BMP6: variants seen among roughly 807,000 people sequenced by gnomAD.
BMP6 encodes the protein bone morphogenetic protein 6, also known as VG-1-R.
Under a neutral mutation model 54.1 loss-of-function variants are expected in BMP6, and 17 were observed. That is an observed-to-expected ratio of 0.31 (90% confidence interval 0.22 to 0.47). BMP6 has a LOEUF of 0.47. Among genes scored for constraint, BMP6 ranks in the 20% least tolerant of loss-of-function variants. The pLI is 1.00. For synonymous variants in BMP6, 328 were observed against 291.2 expected, an observed-to-expected ratio of 1.13 and a Z score of -1.28; for missense variants, 720 against 690.4, an observed-to-expected ratio of 1.04 and a Z score of -0.48.
Position 7,864,652 on chromosome 6 carries a change from A to G in BMP6, c.1204+2154A>G, listed in dbSNP as rs137989681. 2.5e-3 allele frequency among the ~76,000 whole-genome samples: 374 copies of G among 152,086 alleles called. 2 individuals are homozygous for G. Among genetic ancestry groups the G allele is most frequent in the African/African-American group, 8.8e-3 (363 of 41,462 alleles). On this transcript the variant is annotated intron_variant, in intron 4 of 6. Transcript: ENST00000283147. The stretch of plus-strand genomic sequence containing the variant: ...GTGTTCCGACTTAAATCAACCATCT[A>G]TTTTACCAGTAACTTGGATGTGGAG...
At chr6:7,873,963 G>A (rs959718762) in intron 4 of BMP6, among the ~76,000 whole-genome samples, 6 of 152,040 alleles carry the variant, frequency 3.9e-5, no homozygotes, top group African/African-American at 1.4e-4. Context: ...AGCAGAATGA[G>A]GTTGGATGGG....
chr6:7,848,802 A>G (rs1759103588), intron 2 of BMP6, among the ~76,000 whole-genome samples: 1 of 152,236 alleles, frequency 6.6e-6, no homozygotes, highest in Non-Finnish European at 1.5e-5. Context: ...CATGGTGTTT[A>G]AAAGATGACT....
Position 7,727,348 on chromosome 6 carries a change from C to G in BMP6, c.393C>G (p.Ser131=), listed in dbSNP as rs767201995. 5.6e-6 allele frequency: 9 copies of G among 1,609,864 alleles called. No individual in the cohort carries two copies. The East Asian group carries it at 1.8e-4, about 32-fold the overall frequency. ...RGEPPPGRLK[S]APLFMLDLYN... is the part of the protein sequence containing the mutation. The stretch of plus-strand genomic sequence containing the variant: ...AGCCCCCTCCCGGGCGACTGAAGTC[C>G]GCGCCCCTCTTCATGCTGGATCTGT... The change falls in exon 1 of 7, where the codon TCC becomes TCG. Residue 131 remains serine (S), a synonymous_variant. Coordinates refer to ENST00000283147, the MANE Select transcript of BMP6 (RefSeq NM_001718.6).
At chr6:7,786,888 C>G (rs1307538325) in intron 1 of BMP6, among the ~76,000 whole-genome samples, 1 of 152,124 alleles carries the variant, frequency 6.6e-6, no homozygotes, top group East Asian at 1.9e-4. Flanking sequence ...CCCCAGCAGC[C>G]AGCTGTCAAT....
chr6:7,729,524 C>A (rs949420988), intron 1 of BMP6, among the ~76,000 whole-genome samples: 2 of 152,130 alleles, frequency 1.3e-5, no homozygotes, highest in Admixed American at 1.3e-4. Context: ...TAGTATCACC[C>A]GGGGGACTTA....
chr6:7,732,926 T>G (rs1231017017), intron 1 of BMP6, among the ~76,000 whole-genome samples: 3 of 151,976 alleles, frequency 2.0e-5, no homozygotes, highest in Admixed American at 6.5e-5. Flanking sequence ...AGACAGTATC[T>G]TTTTCTGTCA....
intron 1 of BMP6, among the ~76,000 whole-genome samples, chr6:7,779,099 A>T (rs1487201380): frequency 2.6e-5 from 4 of 152,180 alleles, no homozygotes; most frequent in Non-Finnish European, 5.9e-5. Context: ...TTGGCTCTGG[A>T]TCCTGAGGGT....
At chr6:7,858,007 A>T (rs1401394380) in intron 2 of BMP6, among the ~76,000 whole-genome samples, 2 of 152,092 alleles carry the variant, frequency 1.3e-5, no homozygotes, top group Admixed American at 6.6e-5. Flanking sequence ...TCTACAGCTG[A>T]CACCAGCCAC....
chr6:7,769,911 C>T (rs978323554), intron 1 of BMP6, among the ~76,000 whole-genome samples: 11 of 152,210 alleles, frequency 7.2e-5, no homozygotes, highest in Admixed American at 1.3e-4. Context: ...CTTGTGTAAA[C>T]AGATTTTCTA....
intron 1 of BMP6, among the ~76,000 whole-genome samples, chr6:7,831,500 G>A (rs151296539): frequency 4.7e-4 from 71 of 152,290 alleles, no homozygotes; most frequent in African/African-American, 1.6e-3. Flanking sequence ...GAAGGAATGT[G>A]TTAGGGGTCT....
intron 1 of BMP6, among the ~76,000 whole-genome samples, chr6:7,834,016 A>T (rs1044703160): frequency 2.6e-5 from 4 of 152,124 alleles, no homozygotes; most frequent in African/African-American, 9.7e-5. Context: ...CAAACATAAA[A>T]GTTGGGTTTC....
chr6:7,727,418 G>T lies in BMP6; in HGVS notation c.463G>T (p.Gly155Trp), dbSNP rs781421324. 14 of 1,607,126 alleles carry T rather than the reference G, an allele frequency of 8.7e-6. No individual in the cohort carries two copies. The highest frequency in any genetic ancestry group is 2.2e-5 in the South Asian group (2 of 90,426). ...CAACGACGAGGACGGGGCGTCGGAG[G>T]GGGAGAGGCAGCAGTCCTGGCCCCA... ...ADNDEDGASE[G>W]ERQQSWPHEA... is the part of the protein sequence containing the mutation. The change falls in exon 1 of 7, where the codon GGG becomes TGG. Residue 155 changes from glycine to tryptophan, a missense_variant. Transcript: ENST00000283147.
intron 1 of BMP6, among the ~76,000 whole-genome samples, chr6:7,804,823 A>G (rs1758324964): frequency 6.6e-6 from 1 of 152,144 alleles, no homozygotes; most frequent in Non-Finnish European, 1.5e-5. Flanking sequence ...GGATTGGTTT[A>G]AATTAGATGA....
chr6:7,852,613 T>C (rs539012246), intron 2 of BMP6, among the ~76,000 whole-genome samples: 3 of 152,170 alleles, frequency 2.0e-5, no homozygotes, highest in Admixed American at 1.3e-4. Context: ...CTTAGAAAAA[T>C]AAAAAACCAT....
chr6:7,757,150 CG>C (rs1366561466), intron 1 of BMP6, among the ~76,000 whole-genome samples: 2 of 152,348 alleles, frequency 1.3e-5, no homozygotes, highest in Admixed American at 1.3e-4. Flanking sequence ...TGGGCTGCCA[CG>C]TAAACATATA....
chr6:7,792,688 A>C (rs1451946360), intron 1 of BMP6, among the ~76,000 whole-genome samples: 3 of 152,256 alleles, frequency 2.0e-5, no homozygotes, highest in Non-Finnish European at 4.4e-5. Flanking sequence ...GCAACATTCC[A>C]ACAAGGCAGA....
At chr6:7,752,493 C>T (rs1757441238) in intron 1 of BMP6, among the ~76,000 whole-genome samples, 1 of 150,588 alleles carries the variant, frequency 6.6e-6, no homozygotes, top group African/African-American at 2.4e-5. Flanking sequence ...AGTAGAAATG[C>T]ATTTGTAACT....
intron 1 of BMP6, among the ~76,000 whole-genome samples, chr6:7,835,223 C>T (rs896659873): frequency 6.6e-6 from 1 of 152,040 alleles, no homozygotes; most frequent in East Asian, 1.9e-4. Flanking sequence ...CCCGGGTTCA[C>T]GCCATTCTCC....
chr6:7,767,724 A>C (rs1757713382), intron 1 of BMP6, among the ~76,000 whole-genome samples: 1 of 152,206 alleles, frequency 6.6e-6, no homozygotes, highest in African/African-American at 2.4e-5. Context: ...CTGATTTGAT[A>C]ATTCCAACAG....
Sources: gnomAD v4.1 joint callset for allele counts (sites outside exome capture counted in the v4.1 genomes callset) on GRCh38, gnomAD v4.1.1 for gene constraint, MANE v1.5 for transcripts, NCBI Gene and HGNC (gene_info 2026-07-23, HGNC 2026-07-21) for gene names.